Variants in ZFR2 observed in about 807,000 individuals in gnomAD.
ZFR2 encodes the protein zinc finger RNA binding protein 2.
Under a neutral mutation model 105.7 loss-of-function variants are expected in ZFR2, and 104 were observed. The observed-to-expected ratio is 0.98, with a 90% CI of 0.84 to 1.16. The LOEUF (loss-of-function observed/expected upper bound fraction) is 1.16, where lower values mean the gene tolerates loss of function less well. ZFR2 is among the 50% of genes most tolerant of loss of function. ZFR2 has a pLI of 0.00. For missense variants in ZFR2, 1,425 were observed against 1,355.5 expected (o/e 1.05, Z -0.80); for synonymous variants, 634 against 597.7 (o/e 1.06, Z -0.89).
Position 3,859,688 on chromosome 19 carries a change from G to A in ZFR2, c.53+9277C>T, listed in dbSNP as rs746259450. Among the ~76,000 whole-genome samples, 5 of 152,172 alleles carry A rather than the reference G, an allele frequency of 3.3e-5. 1 individual carries two copies. Among genetic ancestry groups the A allele is most frequent in the South Asian group, 2.1e-4 (1 of 4,830 alleles). ...GCCCTGCCACACCAGAGGCTAATGC[G>A]TCCAGTCAAGTCCTTCATCAGGGAG... On this transcript the variant is annotated intron_variant, in intron 1 of 18. Coordinates refer to ENST00000262961, the MANE Select transcript of ZFR2 (RefSeq NM_015174.2).
In ZFR2 at chr19:3,858,246, A is replaced by C. The variant is rs2038331039; in HGVS notation, c.53+10719T>G. ...AGGGCCATGCTCTTGCTTGCTCCGA[A>C]GAGACGGAGCAGGCTTAGGTGTGGT... On this transcript the variant is annotated intron_variant, in intron 1 of 18. Coordinates refer to ENST00000262961, the MANE Select transcript of ZFR2 (RefSeq NM_015174.2). The surrounding 1 kb of genome is among the most constrained non-coding windows in gnomAD (Gnocchi z 4.3). Among the ~76,000 whole-genome samples the C allele has an allele frequency of 6.6e-6, 1 of 152,122 alleles. No individual in the cohort carries two copies. The highest frequency in any genetic ancestry group is 1.5e-5 in the Non-Finnish European group (1 of 68,020).
intron 14 of ZFR2, among the ~76,000 whole-genome samples, chr19:3,812,008 A>G (rs1568417288): frequency 6.6e-6 from 1 of 151,952 alleles, no homozygotes; most frequent in East Asian, 1.9e-4. Flanking sequence ...CAGTGGCGCA[A>G]TCTTGGCTCA....
intron 1 of ZFR2, among the ~76,000 whole-genome samples, chr19:3,847,634 T>G (rs1199352624): frequency 6.6e-6 from 1 of 152,218 alleles, no homozygotes; most frequent in Admixed American, 6.5e-5. Context: ...GAATCCGACC[T>G]GCACACACGG....
intron 10 of ZFR2, 107 bp from the exon 11 acceptor site, chr19:3,820,397 C>A: frequency 9.5e-7 from 1 of 1,050,338 alleles, no homozygotes; most frequent in Non-Finnish European, 1.4e-6. Context: ...AAGGAAGGGC[C>A]AAAGCTCTTG....
At chr19:3,829,177 G>A (rs925467902) in intron 5 of ZFR2, among the ~76,000 whole-genome samples, 3 of 152,112 alleles carry the variant, frequency 2.0e-5, no homozygotes, top group African/African-American at 7.2e-5. Context: ...GGCCAGGCTG[G>A]TGTTGAACTC....
chr19:3,810,708 G>A (rs1295506976), intron 16 of ZFR2, 42 bp downstream of exon 16: 1 of 1,524,952 alleles, frequency 6.6e-7, no homozygotes, highest in Non-Finnish European at 8.9e-7. Flanking sequence ...GGAGGCCCTT[G>A]GGGGTCCCAG....
intron 17 of ZFR2, among the ~76,000 whole-genome samples, chr19:3,807,808 GTCCACGTGTGCCTGTATGTGCACTCAT>G (rs1213603319): frequency 6.7e-6 from 1 of 148,906 alleles, no homozygotes; most frequent in African/African-American, 2.5e-5. Flanking sequence ...GTGCAAGCAT[GTCCACGTGTGCCTGTATGTGCACTCAT>G]TCCATGTGTG....
chr19:3,806,069 G>T lies in ZFR2; in HGVS notation c.2700C>A (p.Leu900=), dbSNP rs1438257519. 1 of 1,531,462 alleles carries T rather than the reference G, an allele frequency of 6.5e-7. No homozygotes were observed. Among genetic ancestry groups the T allele is most frequent in the Non-Finnish European group, 8.8e-7 (1 of 1,139,932 alleles). The allele number at this position is 1,531,462 out of a possible 1,614,324, so 94.9% of individuals were successfully genotyped here. The change falls in exon 19 of 19, where the codon CTC becomes CTA. Residue 900 remains leucine (L), a synonymous_variant. Coordinates refer to ENST00000262961, the MANE Select transcript of ZFR2 (RefSeq NM_015174.2). ...RQTHKVLGMD[L]LPPRHRLGAR... ...CCCCCAGCCGGTGTCTGGGCGGCAG[G>T]AGATCCATGCCCAGGACCTTGTGGG...
intron 5 of ZFR2, among the ~76,000 whole-genome samples, chr19:3,828,532 A>AG (rs1315370961): frequency 1.2e-4 from 18 of 152,226 alleles, no homozygotes; most frequent in African/African-American, 3.9e-4. Flanking sequence ...ATAGTCACGT[A>AG]CACTTCCATC....
In ZFR2 at chr19:3,835,826, G is replaced by A. The variant is rs371948983; in HGVS notation, c.54-843C>T. The stretch of plus-strand genomic sequence containing the variant: ...ACAATTAGCGAGTGTGATAGTACAC[G>A]CCTGCAGTGCCAGCTACTCAGGAGG... On this transcript the variant is annotated intron_variant, in intron 1 of 18. Transcript: ENST00000262961. Among the ~76,000 whole-genome samples, 23 of 152,028 alleles carry A rather than the reference G, an allele frequency of 1.5e-4. No individual in the cohort carries two copies. The East Asian group carries it at 2.9e-3, about 19-fold the overall frequency.
At chr19:3,852,355 G>A in intron 1 of ZFR2, 1 of 650,068 alleles carries the variant, frequency 1.5e-6, no homozygotes, top group South Asian at 1.8e-5. Flanking sequence ...TCCTGACCAT[G>A]GCTGGGCTTC....
intron 9 of ZFR2, among the ~76,000 whole-genome samples, 186 bp from the exon 10 acceptor site, chr19:3,821,665 G>A (rs570125333): frequency 2.9e-4 from 43 of 146,382 alleles, no homozygotes; most frequent in Middle Eastern, 3.5e-3. Flanking sequence ...CCAGGCTGGA[G>A]TGCAATGGTG....
At chr19:3,818,104 G>C (rs577471755) in intron 12 of ZFR2, among the ~76,000 whole-genome samples, 1 of 152,390 alleles carries the variant, frequency 6.6e-6, no homozygotes, top group East Asian at 1.9e-4. Context: ...GTGTGAACGT[G>C]CTTCATGCCC....
At chr19:3,839,514 G>A (rs1318096643) in intron 1 of ZFR2, among the ~76,000 whole-genome samples, 2 of 110,614 alleles carry the variant, frequency 1.8e-5, no homozygotes, top group Admixed American at 2.9e-4. Flanking sequence ...ACTCCAGCCT[G>A]GGTGACAGAG....
intron 7 of ZFR2, 27 bp downstream of exon 7, chr19:3,825,203 C>G (rs1414709606): frequency 6.8e-7 from 1 of 1,463,214 alleles, no homozygotes. Flanking sequence ...CTGGTGGGTA[C>G]ACGAACACGC....
At chr19:3,821,071 C>T (rs2037886837) in intron 10 of ZFR2, among the ~76,000 whole-genome samples, 1 of 152,054 alleles carries the variant, frequency 6.6e-6, no homozygotes, top group African/African-American at 2.4e-5. Context: ...CCGTGTGGTC[C>T]AGCGAGTTGG....
rs558923844 is a variant in ZFR2, at chr19:3,825,046, G to A, written c.1213+184C>T. ...TCAAAGGGTCTCCAAGGTTCAGGGC[G>A]GTGTGGGCCAGTGGGAGGCCATCTT... On this transcript the variant is annotated intron_variant, in intron 7 of 18. Transcript: ENST00000262961. Among the ~76,000 whole-genome samples, 8 of 152,306 alleles carry A rather than the reference G, an allele frequency of 5.3e-5. No homozygotes were observed. In the South Asian group the frequency reaches 1.0e-3, roughly 20 times the overall value.
rs1214591545 is a variant in ZFR2 at position 3,846,387 on chromosome 19, C to T, written c.54-11404G>A. Among the ~76,000 whole-genome samples the T allele has an allele frequency of 2.0e-5, 3 of 152,196 alleles. No homozygotes were observed. In the East Asian group the frequency reaches 5.8e-4, roughly 29 times the overall value. ...AGCCATCTTTGATGTTTTGCCGACT[C>T]GAAAAGCCACAGCACCACACAGTTT... On this transcript the variant is annotated intron_variant, in intron 1 of 18. Coordinates refer to ENST00000262961, the MANE Select transcript of ZFR2 (RefSeq NM_015174.2).
In ZFR2 at chr19:3,858,914, G is replaced by A. The variant is rs2038338396; in HGVS notation, c.53+10051C>T. ...TATCACCCCCATGGCAGATGGAGATGAAGGCTGAGGCCACCCAGCTGGAAA... is the reference window on the plus strand; with the variant it reads ...TATCACCCCCATGGCAGATGGAGATAAAGGCTGAGGCCACCCAGCTGGAAA... On this transcript the variant is annotated intron_variant, in intron 1 of 18. Transcript: ENST00000262961. This position sits in a 1 kb window ranked among gnomAD's most constrained non-coding sequence, Gnocchi z 4.3. 6.6e-6 allele frequency among the ~76,000 whole-genome samples: 1 copy of A among 152,218 alleles called. No individual in the cohort carries two copies. The highest frequency in any genetic ancestry group is 1.5e-5 in the Non-Finnish European group (1 of 68,044).
Sources: allele counts gnomAD v4.1 joint callset (sites outside exome capture counted in the v4.1 genomes callset), GRCh38; gene constraint gnomAD v4.1.1; non-coding constraint Gnocchi (gnomAD v3.1); transcripts MANE v1.5; gene names NCBI Gene and HGNC (gene_info 2026-07-23, HGNC 2026-07-21).